The following OPRM1 variants were observed in gnomAD, a reference collection of about 807,000 sequenced individuals.
OPRM1 encodes opioid receptor mu 1, also known as mu-type opioid receptor.
A neutral mutation model predicts 31.8 loss-of-function variants in OPRM1; 27 were observed. That is an observed-to-expected ratio of 0.85 (90% CI 0.63 to 1.17). The LOEUF (loss-of-function observed/expected upper bound fraction) is 1.17. OPRM1 is among the 50% of genes most tolerant of loss of function. The probability of loss-of-function intolerance (pLI) is 0.00; values close to 1 mark genes in which losing one functional copy is unlikely to be tolerated. For synonymous variants in OPRM1, 196 were observed against 189.9 expected (o/e 1.03, Z -0.26); for missense variants, 536 against 511.1 (o/e 1.05, Z -0.47).
intron 1 of OPRM1, among the ~76,000 whole-genome samples, chr6:154,030,213 T>C (rs1001133236): frequency 3.3e-5 from 5 of 152,144 alleles, no homozygotes; most frequent in Non-Finnish European, 7.4e-5. Flanking sequence ...TGCATTTACG[T>C]TTAAGAAGAG....
At chr6:154,182,660 G>A (rs927115864) in intron 3 of OPRM1, among the ~76,000 whole-genome samples, 1 of 152,092 alleles carries the variant, frequency 6.6e-6, no homozygotes, top group Non-Finnish European at 1.5e-5. Context: ...CGTTTATGAG[G>A]TATCAGTTGA....
At position 154,119,698 on chromosome 6, in the gene OPRM1, A is replaced by T. The variant is rs578029200; in HGVS notation, c.*977A>T. 1.3e-5 allele frequency among the ~76,000 whole-genome samples: 2 copies of T among 152,326 alleles called. No homozygotes were observed. The highest frequency in any genetic ancestry group is 3.9e-4 in the East Asian group (2 of 5,192). ...GACAGATGTTTTTGTTGATTGCCAG[A>T]ACAGTTTAAACTTTTTTTAAACAAT... On this transcript the variant is annotated 3_prime_UTR_variant, in exon 4 of 4. Transcript: ENST00000330432.
intron 1 of OPRM1, among the ~76,000 whole-genome samples, chr6:154,048,964 G>A (rs531441455): frequency 3.9e-5 from 6 of 152,238 alleles, no homozygotes; most frequent in African/African-American, 7.2e-5. Flanking sequence ...TACAGAATTC[G>A]TGAGTACTGA....
rs949251055 is a variant in OPRM1, at chr6:154,123,383, A to C, written c.*4662A>C. 2.6e-5 allele frequency among the ~76,000 whole-genome samples: 4 copies of C among 152,220 alleles called. No individual in the cohort carries two copies. Among genetic ancestry groups the C allele is most frequent in the African/African-American group, 9.6e-5 (4 of 41,456 alleles). Reference sequence around the variant, plus strand: ...TCTATGCTGGGCCTTACTTTCTAACAGTGCAGCAGTTATAGTCTGAGTTTT... The same window carrying C: ...TCTATGCTGGGCCTTACTTTCTAACCGTGCAGCAGTTATAGTCTGAGTTTT... On this transcript the variant is annotated 3_prime_UTR_variant, in exon 4 of 4. Coordinates refer to ENST00000330432, the MANE Select transcript of OPRM1 (RefSeq NM_000914.5).
upstream of OPRM1, among the ~76,000 whole-genome samples, chr6:154,036,797 G>A (rs1779328694): frequency 6.6e-6 from 1 of 150,744 alleles, no homozygotes; most frequent in East Asian, 1.9e-4. Context: ...TGGGTATAAT[G>A]GCATAAAATA....
intron 1 of OPRM1, among the ~76,000 whole-genome samples, chr6:154,076,542 A>G (rs904298532): frequency 6.6e-6 from 1 of 152,164 alleles, no homozygotes; most frequent in Non-Finnish European, 1.5e-5. Context: ...ATATGGCTAG[A>G]CACGGTGGCT....
At chr6:154,146,255 C>T (rs1798355176) in intron 3 of OPRM1, among the ~76,000 whole-genome samples, 1 of 152,188 alleles carries the variant, frequency 6.6e-6, no homozygotes, top group African/African-American at 2.4e-5. Context: ...CAAAAATCAG[C>T]TGAGCGCGGT....
chr6:154,049,445 T>C (rs1242435574), intron 1 of OPRM1, among the ~76,000 whole-genome samples: 1 of 152,226 alleles, frequency 6.6e-6, no homozygotes, highest in Non-Finnish European at 1.5e-5. Context: ...AATTTTTTGC[T>C]GCTCTATACA....
At chr6:154,109,796 G>C (rs609545) in intron 3 of OPRM1, among the ~76,000 whole-genome samples, 2,944 of 79,994 alleles carry the variant, frequency 0.037, 37 homozygotes, top group Middle Eastern at 0.061. Flanking sequence ...CTCTCTCTGT[G>C]TGTGTGTGTG....
downstream of OPRM1, among the ~76,000 whole-genome samples, chr6:154,133,671 G>A (rs76439318): frequency 0.1 from 15,730 of 152,228 alleles, 1,155 homozygotes; most frequent in Non-Finnish European, 0.14. Context: ...TCATTGTCAT[G>A]TACCCGTGCC....
chr6:154,040,598 G>A (rs1209780631), intron 1 of OPRM1, among the ~76,000 whole-genome samples: 2 of 152,196 alleles, frequency 1.3e-5, no homozygotes, highest in African/African-American at 4.8e-5. Flanking sequence ...TGGTTCAGGA[G>A]AACCGCAGGA....
At chr6:154,084,313 A>G (rs778583487) in intron 1 of OPRM1, among the ~76,000 whole-genome samples, 1 of 152,216 alleles carries the variant, frequency 6.6e-6, no homozygotes, top group Non-Finnish European at 1.5e-5. Flanking sequence ...AATACAAAAT[A>G]GCAACCTAAT....
At chr6:154,013,286 T>G (rs1161618996) in intron 1 of OPRM1, among the ~76,000 whole-genome samples, 2 of 152,122 alleles carry the variant, frequency 1.3e-5, no homozygotes, top group Non-Finnish European at 2.9e-5. Flanking sequence ...ATACATGAAA[T>G]TCTTAGAAGA....
intron 1 of OPRM1, among the ~76,000 whole-genome samples, chr6:154,079,030 G>A (rs932805409): frequency 6.6e-6 from 1 of 152,170 alleles, no homozygotes; most frequent in Non-Finnish European, 1.5e-5. Flanking sequence ...GCTGGGGAAA[G>A]ACATTTGAGA....
intron 2 of OPRM1, among the ~76,000 whole-genome samples, 170 bp downstream of exon 2, chr6:154,090,348 T>C (rs1791811829): frequency 6.6e-6 from 1 of 152,232 alleles, no homozygotes; most frequent in African/African-American, 2.4e-5. Context: ...GGAATTTTCC[T>C]CATAATTTTA....
chr6:154,127,323 A>G lies in OPRM1; in HGVS notation c.*8602A>G, dbSNP rs1273643268. Among the ~76,000 whole-genome samples, 1 of 152,202 alleles carries G rather than the reference A, an allele frequency of 6.6e-6. No individual in the cohort carries two copies. Among genetic ancestry groups the G allele is most frequent in the African/African-American group, 2.4e-5 (1 of 41,450 alleles). On this transcript the variant is annotated 3_prime_UTR_variant, in exon 4 of 4. Coordinates refer to ENST00000330432, the MANE Select transcript of OPRM1 (RefSeq NM_000914.5). ...TTCCAAAAGAAGAGGTCTCATTTAT[A>G]AAGTGAATTTGAATAAAATGACCAG...
intron 3 of OPRM1, among the ~76,000 whole-genome samples, chr6:154,243,886 T>A (rs191608754): frequency 5.3e-5 from 8 of 152,208 alleles, no homozygotes; most frequent in Admixed American, 5.2e-4. Context: ...TCAGGGTGAT[T>A]TTGAGGAGTA....
chr6:154,090,209 G>GAACATATCA, intron 2 of OPRM1, 31 bp downstream of exon 2: 1 of 1,469,514 alleles, frequency 6.8e-7, no homozygotes, highest in Non-Finnish European at 9.4e-7. Context: ...GAGGGAAGGA[G>GAACATATCA]GGTTCACAGC....
chr6:154,083,666 G>A (rs1789696837), intron 1 of OPRM1: 1 of 152,432 alleles, frequency 6.6e-6, no homozygotes, highest in African/African-American at 2.4e-5. Flanking sequence ...TAGTCAGCCG[G>A]GTGCGATGGC....
Sources: allele counts gnomAD v4.1 joint callset (sites outside exome capture counted in the v4.1 genomes callset), GRCh38; gene constraint gnomAD v4.1.1; transcripts MANE v1.5; gene names NCBI Gene and HGNC (gene_info 2026-07-23, HGNC 2026-07-21).